The following DOCK2 variants were observed in gnomAD, a reference collection of about 807,000 sequenced individuals.
DOCK2 encodes the protein dedicator of cytokinesis protein 2.
DOCK2 carries 87 observed loss-of-function variants against 248.9 expected under a neutral mutation model. The observed-to-expected ratio is 0.35, with a 90% CI of 0.29 to 0.42. The LOEUF (loss-of-function observed/expected upper bound fraction) is 0.42, where lower values mean the gene tolerates loss of function less well. DOCK2 is among the 10% of genes least tolerant of loss of function. DOCK2 has a pLI of 1.00. For missense variants in DOCK2, 1,747 were observed against 2,300.2 expected, an observed-to-expected ratio of 0.76 and a Z score of 4.92; for synonymous variants, 805 against 821.6, an observed-to-expected ratio of 0.98 and a Z score of 0.35.
At chr5:169,926,248 G>T (rs142769518) in intron 27 of DOCK2, among the ~76,000 whole-genome samples, 1 of 152,304 alleles carries the variant, frequency 6.6e-6, no homozygotes, top group African/African-American at 2.4e-5. Context: ...TCACCTGATT[G>T]TCTCTCACCT....
chr5:169,915,819 A>G (rs1427883656), intron 27 of DOCK2, among the ~76,000 whole-genome samples: 2 of 152,240 alleles, frequency 1.3e-5, no homozygotes, highest in South Asian at 2.1e-4. Flanking sequence ...GAGCTGGTAC[A>G]TAAATCTAAG....
chr5:169,883,152 T>G, intron 27 of DOCK2: 1 of 1,551,642 alleles, frequency 6.4e-7, no homozygotes, highest in South Asian at 1.2e-5. Context: ...CTGAATCTAG[T>G]GGAGTCACCC....
chr5:169,695,179 G>A (rs55877721), intron 9 of DOCK2: 6,799 of 152,612 alleles, frequency 0.045, 145 homozygotes, highest in Middle Eastern at 0.058. Flanking sequence ...GAGCGCACCC[G>A]TGCTGAGACA....
chr5:170,040,864 C>G, intron 36 of DOCK2, 191 bp from the exon 37 acceptor site: 1 of 534,256 alleles, frequency 1.9e-6, no homozygotes, highest in Non-Finnish European at 3.3e-6. Context: ...AACTTAGTAC[C>G]TGTCATGCAC....
At chr5:169,654,141 A>G (rs535084068) in intron 1 of DOCK2, among the ~76,000 whole-genome samples, 1 of 152,378 alleles carries the variant, frequency 6.6e-6, no homozygotes, top group East Asian at 1.9e-4. Context: ...GACAGTCCAT[A>G]GTAAATAGCA....
At chr5:169,848,220 C>T (rs767888111) in intron 27 of DOCK2, among the ~76,000 whole-genome samples, 4 of 152,168 alleles carry the variant, frequency 2.6e-5, no homozygotes, top group Non-Finnish European at 4.4e-5. Flanking sequence ...GCACCTTGAG[C>T]CCTCACACAC....
chr5:169,644,590 G>C (rs931517092), intron 1 of DOCK2, among the ~76,000 whole-genome samples: 1 of 151,648 alleles, frequency 6.6e-6, no homozygotes, highest in African/African-American at 2.4e-5. Context: ...CATAAATCAT[G>C]CCATTGCCTT....
rs1221301125 is a variant in DOCK2, at chr5:169,664,416, C to CT, written c.128-4871dup. Among the ~76,000 whole-genome samples the CT allele has an allele frequency of 3.3e-5, 5 of 152,332 alleles. No homozygotes were observed. In the East Asian group the frequency reaches 9.6e-4, roughly 29 times the overall value. ...TTCCAACCTCTGCCCAGTTCCAAAA[C>CT]TGATTCCAGATTTTCAGGCATCTTA... On this transcript the variant is annotated intron_variant, in intron 2 of 51. Coordinates refer to ENST00000520908, the MANE Select transcript of DOCK2 (RefSeq NM_004946.3).
intron 22 of DOCK2, among the ~76,000 whole-genome samples, chr5:169,738,905 G>A (rs952732261): frequency 1.4e-4 from 21 of 152,142 alleles, no homozygotes; most frequent in African/African-American, 4.3e-4. Context: ...TGTCCTCTGC[G>A]GGCAGCCTGG....
At chr5:170,034,787 C>A (rs1300206837) in intron 35 of DOCK2, among the ~76,000 whole-genome samples, 1 of 152,144 alleles carries the variant, frequency 6.6e-6, no homozygotes, top group Non-Finnish European at 1.5e-5. Flanking sequence ...AATGCATATT[C>A]CCTTTAGCAC....
At chr5:169,826,727 G>A (rs766709479) in intron 26 of DOCK2, among the ~76,000 whole-genome samples, 1 of 152,156 alleles carries the variant, frequency 6.6e-6, no homozygotes, top group African/African-American at 2.4e-5. Flanking sequence ...ATATGGAGAG[G>A]CAGTGTTATT....
chr5:169,782,988 C>G (rs1765793010), intron 25 of DOCK2, among the ~76,000 whole-genome samples: 1 of 152,094 alleles, frequency 6.6e-6, no homozygotes, highest in African/African-American at 2.4e-5. Flanking sequence ...TTAGAAAATA[C>G]AAAGATGATG....
chr5:169,996,667 C>T (rs1380389890), intron 30 of DOCK2, among the ~76,000 whole-genome samples: 7 of 152,174 alleles, frequency 4.6e-5, no homozygotes, highest in African/African-American at 1.7e-4. Context: ...GAATGACACA[C>T]CTGCCCCAGG....
At chr5:169,777,508 G>A (rs2113790429) in intron 25 of DOCK2, among the ~76,000 whole-genome samples, 1 of 152,308 alleles carries the variant, frequency 6.6e-6, no homozygotes, top group Non-Finnish European at 1.5e-5. Context: ...AAAGGCAAAT[G>A]AGACTCTAAT....
At chr5:170,010,482 C>T (rs963222856) in intron 32 of DOCK2, among the ~76,000 whole-genome samples, 1 of 152,182 alleles carries the variant, frequency 6.6e-6, no homozygotes. Context: ...GAGTAAGGGC[C>T]TGCGGCAGAG....
intron 8 of DOCK2, among the ~76,000 whole-genome samples, chr5:169,686,360 C>T (rs570106286): frequency 5.9e-5 from 9 of 152,182 alleles, no homozygotes; most frequent in Non-Finnish European, 1.2e-4. Flanking sequence ...CATGAATCAG[C>T]GAGGTGGCAG....
intron 25 of DOCK2, among the ~76,000 whole-genome samples, chr5:169,773,405 G>A (rs575896939): frequency 3.1e-4 from 47 of 152,108 alleles, no homozygotes; most frequent in Non-Finnish European, 5.6e-4. Context: ...AAAAATTCCC[G>A]ATCACTTCTT....
At chr5:169,946,933 G>T (rs983252933) in intron 27 of DOCK2, among the ~76,000 whole-genome samples, 1 of 152,204 alleles carries the variant, frequency 6.6e-6, no homozygotes. Flanking sequence ...CGTGGGCAAG[G>T]CCCTGAGTCA....
intron 9 of DOCK2, among the ~76,000 whole-genome samples, chr5:169,693,008 G>GGT (rs150111653): frequency 6.6e-6 from 1 of 152,036 alleles, no homozygotes; most frequent in Non-Finnish European, 1.5e-5. Context: ...ATGAATTTGG[G>GGT]GTGTGTGTGT....
Sources: allele counts gnomAD v4.1 joint callset (sites outside exome capture counted in the v4.1 genomes callset), GRCh38; gene constraint gnomAD v4.1.1; transcripts MANE v1.5; gene names NCBI Gene and HGNC (gene_info 2026-07-23, HGNC 2026-07-21).